KLF12: variants seen among roughly 807,000 people sequenced by gnomAD.
KLF12 encodes Krueppel-like factor 12.
KLF12 carries 9 observed loss-of-function variants against 37.8 expected under a neutral mutation model. The observed-to-expected ratio is 0.24, with a 90% CI of 0.14 to 0.42. KLF12 has a LOEUF of 0.42. Ranked by LOEUF, KLF12 falls within the 10% of genes least tolerant of loss-of-function variation. The probability of loss-of-function intolerance (pLI) is 1.00; values close to 1 mark genes in which losing one functional copy is unlikely to be tolerated. For missense variants in KLF12, 411 were observed against 516.0 expected (o/e 0.80, Z 1.97); for synonymous variants, 208 against 202.1 (o/e 1.03, Z -0.25).
intron 2 of KLF12, among the ~76,000 whole-genome samples, chr13:73,975,990 G>A (rs879217043): frequency 5.9e-5 from 9 of 152,062 alleles, no homozygotes; most frequent in South Asian, 4.2e-4. Context: ...CCTTTCTGCC[G>A]GTCTGCATTT....
chr13:74,176,926 G>C, the KLF12 span, among the ~76,000 whole-genome samples: 2 of 152,034 alleles, frequency 1.3e-5, no homozygotes, highest in Non-Finnish European at 2.9e-5. Context: ...AATTACACTT[G>C]CTGCATTGGA....
At chr13:73,725,881 T>C (rs1179416467) in intron 6 of KLF12, among the ~76,000 whole-genome samples, 1 of 142,114 alleles carries the variant, frequency 7.0e-6, no homozygotes, top group East Asian at 2.1e-4. Context: ...ATTTATTTAT[T>C]TTTTGAGATG....
chr13:73,787,825 A>AT (rs945665116), intron 5 of KLF12, among the ~76,000 whole-genome samples: 9 of 152,244 alleles, frequency 5.9e-5, no homozygotes, highest in East Asian at 1.9e-4. Context: ...TACGTAGTAC[A>AT]TTTTTTTGTA....
At chr13:73,835,170 G>C (rs974096829) in intron 4 of KLF12, among the ~76,000 whole-genome samples, 2 of 151,546 alleles carry the variant, frequency 1.3e-5, no homozygotes, top group South Asian at 2.1e-4. Flanking sequence ...TCAGGTTTGA[G>C]TTTTACTTAA....
chr13:73,779,439 A>G (rs1566362321), intron 5 of KLF12, among the ~76,000 whole-genome samples: 1 of 152,210 alleles, frequency 6.6e-6, no homozygotes, highest in Non-Finnish European at 1.5e-5. Context: ...GAGAGCTGTC[A>G]GGTTGGTGAA....
intron 5 of KLF12, among the ~76,000 whole-genome samples, chr13:73,807,459 T>C (rs1172391145): frequency 4.6e-5 from 7 of 152,190 alleles, no homozygotes; most frequent in Admixed American, 1.3e-4. Context: ...AGAAATTCAC[T>C]AGTTGTTTTT....
intron 4 of KLF12, among the ~76,000 whole-genome samples, chr13:73,832,620 C>T (rs997972310): frequency 5.3e-5 from 8 of 152,172 alleles, no homozygotes; most frequent in Non-Finnish European, 1.2e-4. Flanking sequence ...TTACTTAATA[C>T]GTTTTTAAGA....
intron 7 of KLF12, among the ~76,000 whole-genome samples, chr13:73,708,210 C>T (rs546152934): frequency 1.3e-5 from 2 of 151,996 alleles, no homozygotes; most frequent in African/African-American, 4.8e-5. Flanking sequence ...ATGTGACTAC[C>T]TTAAGTTTAC....
At chr13:73,944,947 T>C (rs1210605892) in intron 2 of KLF12, among the ~76,000 whole-genome samples, 1 of 152,164 alleles carries the variant, frequency 6.6e-6, no homozygotes, top group East Asian at 1.9e-4. Flanking sequence ...CTGTTACATA[T>C]TGACTCAACT....
Position 73,827,257 on chromosome 13 carries a change from T to G in KLF12, c.671-13970A>C, listed in dbSNP as rs74095783. On this transcript the variant is annotated intron_variant, in intron 4 of 7. Transcript: ENST00000377669. ...AAATATTCACTATTACAAATGCTGC[T>G]GTAACTTTCTTCATAGTATACATCT... Among the ~76,000 whole-genome samples, 818 of 152,350 alleles carry G rather than the reference T, an allele frequency of 5.4e-3. 7 individuals are homozygous for G. The highest frequency in any genetic ancestry group is 0.018 in the African/African-American group (742 of 41,580).
Position 73,995,009 on chromosome 13 carries a change from A to G in KLF12, c.14T>C (p.Met5Thr), listed in dbSNP as rs1369304945. The G allele has an allele frequency of 1.9e-6, 3 of 1,605,570 alleles. No individual in the cohort carries two copies. Among genetic ancestry groups the G allele is most frequent in the Non-Finnish European group, 2.6e-6 (3 of 1,173,694 alleles). Residue 5 changes from methionine to threonine, a missense_variant, in exon 2 of 8, where the codon ATG (methionine) becomes ACG (threonine). Physicochemically the swap from Met to Thr is moderately conservative, Grantham distance 81. This residue lies in a region of KLF12 where 351 missense variants were observed against 397.8 expected (regional missense o/e 0.88). Coordinates refer to ENST00000377669, the MANE Select transcript of KLF12 (RefSeq NM_007249.5). ...ACCAACCTTTATTGTTTTTCTCTTC[A>G]TATGGATATTCATTCATCCATTTGT...
chr13:73,758,657 T>C (rs1373318661), intron 6 of KLF12, among the ~76,000 whole-genome samples: 1 of 152,140 alleles, frequency 6.6e-6, no homozygotes, highest in Non-Finnish European at 1.5e-5. Context: ...AATATGAAAA[T>C]GTCTCAGAAG....
chr13:74,069,082 C>T (rs1874079092), intron 1 of KLF12, among the ~76,000 whole-genome samples: 1 of 152,160 alleles, frequency 6.6e-6, no homozygotes. Flanking sequence ...GATAGACAGA[C>T]ATGCTAACAA....
chr13:73,788,425 G>T (rs1457537464), intron 5 of KLF12, among the ~76,000 whole-genome samples: 2 of 152,126 alleles, frequency 1.3e-5, no homozygotes, highest in Non-Finnish European at 2.9e-5. Context: ...GATACAAAAT[G>T]ATGGCCTATA....
chr13:73,929,045 C>T (rs1203987148), intron 3 of KLF12, among the ~76,000 whole-genome samples: 1 of 152,134 alleles, frequency 6.6e-6, no homozygotes, highest in Non-Finnish European at 1.5e-5. Flanking sequence ...CATTTTGTGA[C>T]TAAAAATGAA....
At chr13:74,127,968 C>T (rs7335976) in intron 1 of KLF12, among the ~76,000 whole-genome samples, 32,703 of 151,944 alleles carry the variant, frequency 0.22, 4,453 homozygotes, top group African/African-American at 0.38. Flanking sequence ...TAAGGGCATT[C>T]TTTTTAATGA....
chr13:74,071,918 A>G (rs1194437358), intron 1 of KLF12, among the ~76,000 whole-genome samples: 1 of 152,154 alleles, frequency 6.6e-6, no homozygotes, highest in Non-Finnish European at 1.5e-5. Context: ...ACATATTAAC[A>G]GAAGAGTGTT....
the KLF12 span, among the ~76,000 whole-genome samples, chr13:74,197,947 C>T: frequency 6.6e-6 from 1 of 151,814 alleles, no homozygotes; most frequent in Non-Finnish European, 1.5e-5. Context: ...AATTTTCTAG[C>T]AACAGAGTTG....
chr13:73,814,033 A>G (rs1192114144), intron 4 of KLF12, among the ~76,000 whole-genome samples: 1 of 139,748 alleles, frequency 7.2e-6, no homozygotes, highest in Non-Finnish European at 1.6e-5. Context: ...TGAGAGGGTT[A>G]CTTACTGTCA....
Sources: allele counts gnomAD v4.1 joint callset (sites outside exome capture counted in the v4.1 genomes callset), GRCh38; gene constraint gnomAD v4.1.1; regional missense constraint gnomAD v4.1.1; transcripts MANE v1.5; gene names NCBI Gene and HGNC (gene_info 2026-07-23, HGNC 2026-07-21).